CLSTN2: variants seen among roughly 807,000 people sequenced by gnomAD.
CLSTN2 encodes the protein calsyntenin-2.
In CLSTN2, 48 loss-of-function variants were observed where a neutral mutation model predicts 101.2. The ratio of observed to expected loss-of-function variants is 0.47; its 90% CI spans 0.38 to 0.60. The LOEUF is 0.60. CLSTN2 is among the 20% of genes least tolerant of loss of function. The probability of loss-of-function intolerance (pLI) is 0.00; values close to 1 mark genes in which losing one functional copy is unlikely to be tolerated. For synonymous variants in CLSTN2, 481 were observed against 463.6 expected (o/e 1.04, Z -0.48); for missense variants, 1,160 against 1,238.2 (o/e 0.94, Z 0.95).
intron 8 of CLSTN2, among the ~76,000 whole-genome samples, chr3:140,515,919 A>G (rs1188392265): frequency 2.0e-5 from 3 of 152,114 alleles, no homozygotes; most frequent in Non-Finnish European, 4.4e-5. Context: ...GGACATGTCT[A>G]CTGCTGTCAG....
chr3:140,123,767 C>A (rs185227296), intron 1 of CLSTN2, among the ~76,000 whole-genome samples: 118 of 151,640 alleles, frequency 7.8e-4, no homozygotes, highest in Admixed American at 3.5e-3. Context: ...CATGGACTTT[C>A]CTCAGTGCAT....
intron 9 of CLSTN2, among the ~76,000 whole-genome samples, chr3:140,537,030 C>T (rs1445389421): frequency 6.6e-6 from 1 of 152,212 alleles, no homozygotes; most frequent in Admixed American, 6.5e-5. Flanking sequence ...GCCTATGATG[C>T]AGCCCTTATC....
chr3:140,066,368 G>A (rs1236910199), intron 1 of CLSTN2, among the ~76,000 whole-genome samples: 1 of 152,188 alleles, frequency 6.6e-6, no homozygotes, highest in Non-Finnish European at 1.5e-5. Flanking sequence ...TTTACCTGGT[G>A]CCTGAAATTC....
At chr3:139,999,596 G>A (rs1165676849) in intron 1 of CLSTN2, among the ~76,000 whole-genome samples, 1 of 152,128 alleles carries the variant, frequency 6.6e-6, no homozygotes, top group African/African-American at 2.4e-5. Flanking sequence ...AGGGATCTCA[G>A]GTTTTCCTGA....
At chr3:140,116,366 C>G (rs185523856) in intron 1 of CLSTN2, among the ~76,000 whole-genome samples, 1 of 152,046 alleles carries the variant, frequency 6.6e-6, no homozygotes, top group African/African-American at 2.4e-5. Flanking sequence ...AGCTAGACAC[C>G]GTTGCCTGCA....
At chr3:140,461,741 T>C (rs1933567556) in intron 7 of CLSTN2, among the ~76,000 whole-genome samples, 1 of 152,126 alleles carries the variant, frequency 6.6e-6, no homozygotes, top group South Asian at 2.1e-4. Flanking sequence ...TGGCTGAACT[T>C]GGCCTCAACT....
At chr3:139,996,369 A>C (rs2006658879) in intron 1 of CLSTN2, among the ~76,000 whole-genome samples, 1 of 152,148 alleles carries the variant, frequency 6.6e-6, no homozygotes. Flanking sequence ...GATAATGCCA[A>C]ATTATCTTTC....
At chr3:140,492,483 G>C (rs185077740) in intron 8 of CLSTN2, among the ~76,000 whole-genome samples, 1 of 152,192 alleles carries the variant, frequency 6.6e-6, no homozygotes, top group Admixed American at 6.5e-5. Flanking sequence ...TACTGTCATT[G>C]AACACACTTT....
chr3:140,174,063 G>T (rs2010284012), intron 1 of CLSTN2, among the ~76,000 whole-genome samples: 1 of 152,116 alleles, frequency 6.6e-6, no homozygotes, highest in Non-Finnish European at 1.5e-5. Flanking sequence ...CGCATTGTCA[G>T]GCTGCAAATT....
chr3:140,169,659 A>T (rs1384188732), intron 1 of CLSTN2, among the ~76,000 whole-genome samples: 1 of 152,186 alleles, frequency 6.6e-6, no homozygotes, highest in Non-Finnish European at 1.5e-5. Context: ...ATTTGCTAAT[A>T]GTTTTAATTA....
At chr3:140,524,424 G>A (rs1323155726) in intron 8 of CLSTN2, among the ~76,000 whole-genome samples, 5 of 152,198 alleles carry the variant, frequency 3.3e-5, no homozygotes, top group Admixed American at 2.6e-4. Flanking sequence ...GTGTATGTTA[G>A]TTCTAACTTA....
At chr3:140,555,353 G>A (rs1290210325) in intron 10 of CLSTN2, among the ~76,000 whole-genome samples, 4 of 152,156 alleles carry the variant, frequency 2.6e-5, no homozygotes, top group African/African-American at 9.7e-5. Context: ...TTAACAATAG[G>A]GCAAACATGT....
At chr3:140,386,477 A>C (rs1194496668) in intron 2 of CLSTN2, among the ~76,000 whole-genome samples, 1 of 152,164 alleles carries the variant, frequency 6.6e-6, no homozygotes, top group Non-Finnish European at 1.5e-5. Flanking sequence ...TCTGATTAAC[A>C]GCTCTCTCAC....
intron 8 of CLSTN2, chr3:140,508,266 C>T (rs1934724507): frequency 6.6e-6 from 1 of 152,112 alleles, no homozygotes; most frequent in South Asian, 2.1e-4. Flanking sequence ...GCTAGAATTC[C>T]AAGGATTTGG....
intron 8 of CLSTN2, among the ~76,000 whole-genome samples, chr3:140,526,161 T>G (rs1327814271): frequency 6.6e-6 from 1 of 152,108 alleles, no homozygotes; most frequent in Non-Finnish European, 1.5e-5. Context: ...ATGATATGAT[T>G]CCTTACTTAG....
chr3:140,568,401 A>T lies in CLSTN2; in HGVS notation c.*2148A>T, dbSNP rs1213178716. On this transcript the variant is annotated 3_prime_UTR_variant, in exon 17 of 17. Coordinates refer to ENST00000458420, the MANE Select transcript of CLSTN2 (RefSeq NM_022131.3). ...CTCTTATTTTTCCCTTCTCAGGGAA[A>T]AACACCAGAAGAAGCTGGGGTTTTA... is the stretch of plus-strand genomic sequence containing the variant. 6.6e-6 allele frequency: 1 copy of T among 152,206 alleles called. No individual in the cohort carries two copies. Among genetic ancestry groups the T allele is most frequent in the Non-Finnish European group, 1.5e-5 (1 of 68,042 alleles). 9.4% of individuals were successfully genotyped at this position (152,206 alleles called of 1,614,324 possible).
At chr3:140,508,032 G>A (rs1322866241) in intron 8 of CLSTN2, 1 of 152,192 alleles carries the variant, frequency 6.6e-6, no homozygotes, top group East Asian at 1.9e-4. Context: ...CCAAATAGGT[G>A]CTGCTATCCC....
At chr3:140,313,751 T>A (rs2087197700) in intron 2 of CLSTN2, among the ~76,000 whole-genome samples, 1 of 152,230 alleles carries the variant, frequency 6.6e-6, no homozygotes, top group Non-Finnish European at 1.5e-5. Context: ...CCAGACATCA[T>A]AATGACTTTG....
At chr3:140,187,107 G>A (rs1340061738) in intron 2 of CLSTN2, among the ~76,000 whole-genome samples, 42 of 152,116 alleles carry the variant, frequency 2.8e-4, no homozygotes, top group Admixed American at 2.7e-3. Flanking sequence ...CTAAAGAGGT[G>A]AGACACCAGG....
Sources: gnomAD v4.1 joint callset for allele counts (sites outside exome capture counted in the v4.1 genomes callset) on GRCh38, gnomAD v4.1.1 for gene constraint, MANE v1.5 for transcripts, NCBI Gene and HGNC (gene_info 2026-07-23, HGNC 2026-07-21) for gene names.